The following STARD13 variants were observed in gnomAD, a reference collection of about 807,000 sequenced individuals.
STARD13 encodes stAR-related lipid transfer protein 13.
A neutral mutation model predicts 106.4 loss-of-function variants in STARD13; 62 were observed. The observed-to-expected ratio is 0.58, with a 90% confidence interval of 0.48 to 0.72. The LOEUF is 0.72. Among genes scored for constraint, STARD13 ranks in the 30% least tolerant of loss-of-function variants. The pLI is 0.00. For missense variants in STARD13, 1,387 were observed against 1,424.0 expected (o/e 0.97, Z 0.42); for synonymous variants, 565 against 553.0 (o/e 1.02, Z -0.31).
chr13:33,428,632 T>A, the STARD13 span, among the ~76,000 whole-genome samples: 1 of 152,094 alleles, frequency 6.6e-6, no homozygotes, highest in African/African-American at 2.4e-5. Flanking sequence ...CTCATCCCAA[T>A]TAAAATGTCT....
chr13:33,613,712 G>A, the STARD13 span, among the ~76,000 whole-genome samples: 1 of 152,344 alleles, frequency 6.6e-6, no homozygotes, highest in East Asian at 1.9e-4. Flanking sequence ...GACAGGACAG[G>A]CTTTGAGCAT....
chr13:33,392,778 C>T, the STARD13 span, among the ~76,000 whole-genome samples: 1 of 152,112 alleles, frequency 6.6e-6, no homozygotes, highest in Non-Finnish European at 1.5e-5. Context: ...TCTTAATATC[C>T]CCTAATATGC....
chr13:33,450,026 C>A, the STARD13 span, among the ~76,000 whole-genome samples: 1 of 152,048 alleles, frequency 6.6e-6, no homozygotes, highest in Non-Finnish European at 1.5e-5. Context: ...ATACTATCTG[C>A]GAATAGGGAC....
chr13:33,255,410 G>C (rs1233242291), intron 1 of STARD13, among the ~76,000 whole-genome samples: 1 of 151,926 alleles, frequency 6.6e-6, no homozygotes, highest in East Asian at 1.9e-4. Context: ...TCTCTAAAGA[G>C]AACCGCTCAC....
chr13:33,204,019 G>T (rs1281573733), intron 1 of STARD13, among the ~76,000 whole-genome samples: 1 of 152,166 alleles, frequency 6.6e-6, no homozygotes, highest in Non-Finnish European at 1.5e-5. Flanking sequence ...CTTCCTCAAG[G>T]TCACAAAATT....
At chr13:33,122,556 C>T (rs1371918353) in intron 7 of STARD13, among the ~76,000 whole-genome samples, 2 of 152,224 alleles carry the variant, frequency 1.3e-5, no homozygotes, top group Admixed American at 6.5e-5. Flanking sequence ...GTCCTGCTGT[C>T]ATCTACTGTT....
At chr13:33,350,515 C>A (rs2078066033) in exon 1 of STARD13, 6 of 1,452,204 alleles carry the variant, frequency 4.1e-6, no homozygotes, top group Non-Finnish European at 4.6e-6. Flanking sequence ...CGCGGCACTC[C>A]CGCCGGGGTC....
chr13:33,651,681 C>T, the STARD13 span, among the ~76,000 whole-genome samples: 6 of 152,224 alleles, frequency 3.9e-5, no homozygotes, highest in South Asian at 1.2e-3. Context: ...TGGTGTTACT[C>T]TCATCTGGAG....
chr13:33,254,609 CT>C (rs900057914), intron 1 of STARD13, among the ~76,000 whole-genome samples: 6 of 152,190 alleles, frequency 3.9e-5, no homozygotes, highest in African/African-American at 9.7e-5. Context: ...CCATGCCCCC[CT>C]ATCCTGTACC....
chr13:33,526,962 C>G, the STARD13 span, among the ~76,000 whole-genome samples: 2 of 151,962 alleles, frequency 1.3e-5, no homozygotes, highest in African/African-American at 4.8e-5. Flanking sequence ...TTTTTAGAAC[C>G]ATTACAAATG....
the STARD13 span, among the ~76,000 whole-genome samples, chr13:33,484,905 T>C: frequency 2.0e-5 from 3 of 152,220 alleles, no homozygotes; most frequent in East Asian, 5.8e-4. Flanking sequence ...TTCAAAGTCT[T>C]AGATCACCTA....
chr13:33,421,125 A>T, the STARD13 span, among the ~76,000 whole-genome samples: 19 of 152,338 alleles, frequency 1.2e-4, no homozygotes, highest in East Asian at 3.7e-3. Context: ...AAAGAGATAG[A>T]CACAAAAAAC....
chr13:33,375,667 G>A, the STARD13 span, among the ~76,000 whole-genome samples: 1 of 152,128 alleles, frequency 6.6e-6, no homozygotes, highest in Non-Finnish European at 1.5e-5. Context: ...ATCAGATTTC[G>A]TGAGAACTCA....
At chr13:33,119,412 C>G (rs1467073947) in intron 7 of STARD13, among the ~76,000 whole-genome samples, 1 of 152,170 alleles carries the variant, frequency 6.6e-6, no homozygotes, top group East Asian at 1.9e-4. Flanking sequence ...CTCATCCCCC[C>G]TATACCTGGA....
chr13:33,107,490 G>A (rs1873933435), intron 12 of STARD13, among the ~76,000 whole-genome samples: 1 of 152,098 alleles, frequency 6.6e-6, no homozygotes, highest in African/African-American at 2.4e-5. Context: ...CCTGGAGGAG[G>A]GCATGCTCAA....
chr13:33,506,624 C>A, the STARD13 span, among the ~76,000 whole-genome samples: 1 of 152,076 alleles, frequency 6.6e-6, no homozygotes, highest in Admixed American at 6.6e-5. Flanking sequence ...TCCAAACAAC[C>A]AAGGCATGCT....
At chr13:33,640,292 C>G in the STARD13 span, among the ~76,000 whole-genome samples, 1 of 152,190 alleles carries the variant, frequency 6.6e-6, no homozygotes, top group Non-Finnish European at 1.5e-5. Context: ...TTCTTGAAAA[C>G]AAATGAGCTT....
chr13:33,635,901 G>T, the STARD13 span, among the ~76,000 whole-genome samples: 1 of 151,764 alleles, frequency 6.6e-6, no homozygotes, highest in Non-Finnish European at 1.5e-5. Flanking sequence ...GGAGAATGGC[G>T]TGAACCCGGG....
At chr13:33,356,377 C>T in the STARD13 span, among the ~76,000 whole-genome samples, 3 of 152,300 alleles carry the variant, frequency 2.0e-5, no homozygotes, top group South Asian at 2.1e-4. Context: ...AAGCATTCTT[C>T]CATTGCTACT....
Sources: gnomAD v4.1 joint callset for allele counts (sites outside exome capture counted in the v4.1 genomes callset) on GRCh38, gnomAD v4.1.1 for gene constraint, MANE v1.5 for transcripts, NCBI Gene and HGNC (gene_info 2026-07-23, HGNC 2026-07-21) for gene names.